FRY: variants seen among roughly 807,000 people sequenced by gnomAD.
FRY encodes protein furry homolog.
In FRY, 128 loss-of-function variants were observed where a neutral mutation model predicts 348.4. The ratio of observed to expected loss-of-function variants is 0.37; its 90% CI spans 0.32 to 0.43. The LOEUF is 0.43. Ranked by LOEUF, FRY falls within the 20% of genes least tolerant of loss-of-function variation. The probability of loss-of-function intolerance (pLI) is 1.00; values close to 1 mark genes in which losing one functional copy is unlikely to be tolerated. For synonymous variants in FRY, 1,370 were observed against 1,374.7 expected, an observed-to-expected ratio of 1.00 and a Z score of 0.08; for missense variants, 2,736 against 3,695.2, an observed-to-expected ratio of 0.74 and a Z score of 6.73.
At chr13:32,194,081 A>G (rs1883528516) in intron 28 of FRY, 62 bp from the exon 29 acceptor site, 4 of 1,471,106 alleles carry the variant, frequency 2.7e-6, no homozygotes, top group South Asian at 1.1e-5. Context: ...CTTTATCTGT[A>G]TCTTTCTCTA....
Position 32,253,276 on chromosome 13 carries a change from G to A in FRY, c.7246-948G>A, listed in dbSNP as rs558735885. 2.6e-4 allele frequency among the ~76,000 whole-genome samples: 39 copies of A among 152,316 alleles called. 2 individuals carry two copies. In the South Asian group the frequency reaches 7.7e-3, roughly 30 times the overall value. ...AACTGTGTGTCAGGTGCTATAATGA[G>A]AGGCTATCATATGCATCATATACTA... On this transcript the variant is annotated intron_variant, in intron 50 of 60. Transcript: ENST00000542859.
intron 26 of FRY, among the ~76,000 whole-genome samples, chr13:32,185,842 T>C (rs952147953): frequency 6.6e-6 from 1 of 152,216 alleles, no homozygotes; most frequent in Non-Finnish European, 1.5e-5. Context: ...AGATTTCAGT[T>C]TACCTCTTCA....
At chr13:32,251,534 C>T (rs185741004) in intron 49 of FRY, among the ~76,000 whole-genome samples, 1 of 151,020 alleles carries the variant, frequency 6.6e-6, no homozygotes, top group East Asian at 1.9e-4. Flanking sequence ...ATATATACAC[C>T]CCTTGGGATA....
intron 10 of FRY, among the ~76,000 whole-genome samples, chr13:32,135,486 A>G (rs1340379039): frequency 1.3e-5 from 2 of 152,142 alleles, no homozygotes; most frequent in Admixed American, 1.3e-4. Flanking sequence ...CTTTTTTCCA[A>G]TCTGAAGGCT....
chr13:32,215,333 T>C (rs1346754002), intron 35 of FRY, among the ~76,000 whole-genome samples: 1 of 152,204 alleles, frequency 6.6e-6, no homozygotes, highest in African/African-American at 2.4e-5. Flanking sequence ...ATATCCCAAT[T>C]ACCCTGATTT....
intron 2 of FRY, among the ~76,000 whole-genome samples, chr13:32,088,896 G>A (rs773596488): frequency 3.3e-5 from 5 of 152,108 alleles, no homozygotes; most frequent in Non-Finnish European, 5.9e-5. Flanking sequence ...TTTCGGTCTA[G>A]TTTTTCTGAT....
At chr13:32,241,504 G>A (rs963340893) in intron 46 of FRY, among the ~76,000 whole-genome samples, 9 of 152,178 alleles carry the variant, frequency 5.9e-5, no homozygotes, top group Admixed American at 5.2e-4. Context: ...AGGGCAGTTC[G>A]TAGTGGAGAA....
chr13:32,076,007 C>A (rs1875026869), intron 1 of FRY, among the ~76,000 whole-genome samples: 1 of 152,138 alleles, frequency 6.6e-6, no homozygotes, highest in South Asian at 2.1e-4. Context: ...CTTTGAAGTT[C>A]AGGTGAATAA....
intron 11 of FRY, among the ~76,000 whole-genome samples, chr13:32,139,477 C>T (rs920384902): frequency 3.3e-5 from 5 of 152,212 alleles, no homozygotes; most frequent in Non-Finnish European, 7.3e-5. Flanking sequence ...GGCAGTGTGG[C>T]AGAGCAGAGC....
Position 32,130,452 on chromosome 13 carries a change from TTGTGTGTGTG to T in FRY, c.717-1192_717-1183del, listed in dbSNP as rs58000380. On this transcript the variant is annotated intron_variant, in intron 7 of 60. Transcript: ENST00000542859. ...TTAGACTGTTTTCTTTGGAAAGTGT[TTGTGTGTGTG>T]TGTGTGTGTGTGTGTGTGTGTGTGT... is the stretch of plus-strand genomic sequence containing the variant. 4.3e-4 allele frequency among the ~76,000 whole-genome samples: 61 copies of T among 141,990 alleles called. No homozygotes were observed. In the Middle Eastern group the frequency reaches 0.011, roughly 25 times the overall value. 93.2% of individuals were successfully genotyped at this position (141,990 alleles called of 152,430 possible).
At chr13:32,276,393 G>A in intron 56 of FRY, 71 bp from the exon 57 acceptor site, 1 of 823,742 alleles carries the variant, frequency 1.2e-6, no homozygotes, top group Non-Finnish European at 2.2e-6. Context: ...ATATACTTCT[G>A]TTTTCTGTGT....
At chr13:32,044,127 C>G (rs1872890882) in intron 1 of FRY, among the ~76,000 whole-genome samples, 1 of 152,058 alleles carries the variant, frequency 6.6e-6, no homozygotes, top group African/African-American at 2.4e-5. Flanking sequence ...TTAAAATTAA[C>G]AAGTTCAATA....
rs1329492550 is a variant in FRY at position 32,296,888 on chromosome 13, G to GA, written c.*1434dup. The GA allele has an allele frequency of 1.3e-5, 2 of 152,138 alleles. No homozygotes were observed. Among genetic ancestry groups the GA allele is most frequent in the African/African-American group, 2.4e-5 (1 of 41,436 alleles). The allele number at this position is 152,138 out of a possible 1,614,324, so 9.4% of individuals were successfully genotyped here. ...TGTAATCAACCAAAGAGAAAAATCA[G>GA]AAAAAAGTGAGAGCTCTAATTCTCC... On this transcript the variant is annotated 3_prime_UTR_variant, in exon 61 of 61. Coordinates refer to ENST00000542859, the MANE Select transcript of FRY (RefSeq NM_023037.3).
chr13:32,227,821 A>G (rs960253956), intron 39 of FRY, among the ~76,000 whole-genome samples: 27 of 144,896 alleles, frequency 1.9e-4, no homozygotes, highest in African/African-American at 3.4e-4. Flanking sequence ...GCGCGATCTC[A>G]GCTCACTGCA....
intron 57 of FRY, among the ~76,000 whole-genome samples, chr13:32,278,146 A>C (rs899203620): frequency 6.6e-6 from 1 of 152,170 alleles, no homozygotes; most frequent in Non-Finnish European, 1.5e-5. Flanking sequence ...CCCCAATTGT[A>C]TGGAAGATTT....
At position 32,249,453 on chromosome 13, in the gene FRY, C is replaced by A; in HGVS notation, c.7009-73C>A. 9 of 1,524,866 alleles carry A rather than the reference C, an allele frequency of 5.9e-6. No individual in the cohort carries two copies. The South Asian group carries it at 9.3e-5, about 16-fold the overall frequency. 94.5% of individuals were successfully genotyped at this position (1,524,866 alleles called of 1,614,324 possible). A position where few individuals can be genotyped will look rare whatever the true frequency, so the allele number is the denominator to read the frequency against. The stretch of plus-strand genomic sequence containing the variant: ...TAATCAAATAAGCAGCTCTTGGTTG[C>A]TTCTGGGGAGAAGGGTTTCATATAT... On this transcript the variant is annotated intron_variant, in intron 48 of 60. Transcript: ENST00000542859.
intron 47 of FRY, among the ~76,000 whole-genome samples, chr13:32,245,483 G>A (rs1228738942): frequency 6.6e-6 from 1 of 152,014 alleles, no homozygotes; most frequent in Non-Finnish European, 1.5e-5. Flanking sequence ...GTGTGGTGGT[G>A]CACACCTATA....
At chr13:32,200,005 G>A (rs1414508885) in intron 29 of FRY, among the ~76,000 whole-genome samples, 1 of 152,190 alleles carries the variant, frequency 6.6e-6, no homozygotes, top group Admixed American at 6.5e-5. Flanking sequence ...ACTCTCTACA[G>A]AGTCCTGAGA....
chr13:32,249,922 C>A (rs1205302457), intron 49 of FRY, among the ~76,000 whole-genome samples: 2 of 152,206 alleles, frequency 1.3e-5, no homozygotes, highest in Non-Finnish European at 2.9e-5. Context: ...CCAGTTCTCT[C>A]AAGGCTTAGA....
Sources: gnomAD v4.1 joint callset for allele counts (sites outside exome capture counted in the v4.1 genomes callset) on GRCh38, gnomAD v4.1.1 for gene constraint, MANE v1.5 for transcripts, NCBI Gene and HGNC (gene_info 2026-07-23, HGNC 2026-07-21) for gene names.